PCDH9: variants seen among roughly 807,000 people sequenced by gnomAD.
PCDH9 encodes the protein protocadherin 9.
PCDH9 carries 24 observed loss-of-function variants against 70.6 expected under a neutral mutation model. That is an observed-to-expected ratio of 0.34 (90% CI 0.25 to 0.48). The LOEUF (loss-of-function observed/expected upper bound fraction) is 0.48. PCDH9 is among the 20% of genes least tolerant of loss of function. PCDH9 has a pLI of 0.99. For synonymous variants in PCDH9, 562 were observed against 558.5 expected, an observed-to-expected ratio of 1.01 and a Z score of -0.09; for missense variants, 1,281 against 1,503.6, an observed-to-expected ratio of 0.85 and a Z score of 2.45.
intron 4 of PCDH9, among the ~76,000 whole-genome samples, chr13:66,475,583 T>A (rs1291364005): frequency 2.0e-5 from 3 of 152,080 alleles, no homozygotes; most frequent in African/African-American, 7.2e-5. Flanking sequence ...CTCTTCTCCC[T>A]TTCACAATAT....
intron 2 of PCDH9, among the ~76,000 whole-genome samples, chr13:67,190,712 G>T (rs908626450): frequency 6.6e-6 from 1 of 152,010 alleles, no homozygotes; most frequent in African/African-American, 2.4e-5. Context: ...TCAAAAGTAT[G>T]AATAATTTTA....
intron 4 of PCDH9, among the ~76,000 whole-genome samples, chr13:66,604,784 TA>T (rs147562367): frequency 0.039 from 5,937 of 152,188 alleles, 355 homozygotes; most frequent in African/African-American, 0.13. Flanking sequence ...TCATTAGTGA[TA>T]TTTTTTTTCA....
In PCDH9 at chr13:66,791,315, T is replaced by C. The variant is rs549946299; in HGVS notation, c.3138+112189A>G. Among the ~76,000 whole-genome samples the C allele has an allele frequency of 4.7e-4, 71 of 152,230 alleles. 1 individual carries two copies. In the South Asian group the frequency reaches 0.014, roughly 31 times the overall value. Reference sequence around the variant, plus strand: ...ATGAAATTTTCAATATATTATAACTTGAGCAGTGTTTTTTTCCTCTAAATT... The same window carrying C: ...ATGAAATTTTCAATATATTATAACTCGAGCAGTGTTTTTTTCCTCTAAATT... On this transcript the variant is annotated intron_variant, in intron 3 of 4. Transcript: ENST00000377865.
chr13:66,778,160 T>A (rs908447020), intron 3 of PCDH9, among the ~76,000 whole-genome samples: 2 of 150,942 alleles, frequency 1.3e-5, no homozygotes, highest in Admixed American at 6.6e-5. Context: ...GAGGTATAGC[T>A]TTAGGAGATA....
At chr13:67,026,423 A>G (rs1435550066) in intron 2 of PCDH9, among the ~76,000 whole-genome samples, 1 of 152,162 alleles carries the variant, frequency 6.6e-6, no homozygotes, top group Non-Finnish European at 1.5e-5. Context: ...TCAAAATAAT[A>G]AGAGCTATCT....
intron 2 of PCDH9, among the ~76,000 whole-genome samples, chr13:66,928,906 G>A (rs558407748): frequency 5.3e-5 from 8 of 152,166 alleles, no homozygotes; most frequent in African/African-American, 1.9e-4. Flanking sequence ...TCCATATCAG[G>A]GTGAAGTAGG....
chr13:67,145,871 G>A (rs1425650003), intron 2 of PCDH9, among the ~76,000 whole-genome samples: 3 of 151,966 alleles, frequency 2.0e-5, no homozygotes, highest in Non-Finnish European at 4.4e-5. Context: ...TGATATATCT[G>A]TCAATAAAAT....
intron 4 of PCDH9, among the ~76,000 whole-genome samples, chr13:66,490,187 G>A (rs1959010642): frequency 6.6e-6 from 1 of 152,164 alleles, no homozygotes; most frequent in Non-Finnish European, 1.5e-5. Context: ...CTGTATAAAA[G>A]GGATGATCTA....
intron 2 of PCDH9, among the ~76,000 whole-genome samples, chr13:66,968,996 C>A (rs2083474091): frequency 1.3e-5 from 2 of 152,002 alleles, no homozygotes; most frequent in Admixed American, 6.6e-5. Context: ...TCACTGGAAC[C>A]CTTTAGCTGT....
chr13:66,690,006 G>A (rs766207732), intron 3 of PCDH9, among the ~76,000 whole-genome samples: 11 of 152,164 alleles, frequency 7.2e-5, no homozygotes, highest in South Asian at 2.1e-4. Flanking sequence ...AATTTGATGA[G>A]CATTATCTTA....
intron 4 of PCDH9, among the ~76,000 whole-genome samples, chr13:66,529,566 G>A (rs1012047003): frequency 6.6e-6 from 1 of 151,992 alleles, no homozygotes; most frequent in African/African-American, 2.4e-5. Flanking sequence ...AAATCTGATT[G>A]CCTCTAGAAT....
intron 3 of PCDH9, among the ~76,000 whole-genome samples, chr13:66,831,333 T>C (rs2165600): frequency 0.35 from 53,906 of 152,050 alleles, 10,218 homozygotes; most frequent in Non-Finnish European, 0.43. Flanking sequence ...CTGCCTGAGA[T>C]GTGGCTTCTG....
intron 4 of PCDH9, among the ~76,000 whole-genome samples, chr13:66,524,359 T>C (rs1446286856): frequency 6.6e-6 from 1 of 152,022 alleles, no homozygotes; most frequent in African/African-American, 2.4e-5. Flanking sequence ...CTCTTTTGTA[T>C]AAAGATATAA....
chr13:66,828,975 A>G (rs1034580835), intron 3 of PCDH9, among the ~76,000 whole-genome samples: 9 of 151,950 alleles, frequency 5.9e-5, no homozygotes, highest in Non-Finnish European at 1.3e-4. Flanking sequence ...GGAATTGATA[A>G]TGGCATTATT....
chr13:66,466,019 T>A (rs183144925), intron 4 of PCDH9, among the ~76,000 whole-genome samples: 1 of 152,070 alleles, frequency 6.6e-6, no homozygotes, highest in East Asian at 1.9e-4. Flanking sequence ...CTAAACATTC[T>A]CACAATAAAA....
At chr13:66,539,343 G>T (rs1386331494) in intron 4 of PCDH9, among the ~76,000 whole-genome samples, 1 of 152,028 alleles carries the variant, frequency 6.6e-6, no homozygotes, top group Non-Finnish European at 1.5e-5. Context: ...TAATCCTTAT[G>T]TGTCATGGGA....
intron 2 of PCDH9, among the ~76,000 whole-genome samples, chr13:66,977,025 G>T (rs570229894): frequency 6.6e-6 from 1 of 152,190 alleles, no homozygotes; most frequent in African/African-American, 2.4e-5. Context: ...CAAAGACTTA[G>T]TCTGTCATCT....
chr13:66,928,507 G>A (rs71446828), intron 2 of PCDH9, among the ~76,000 whole-genome samples: 1,879 of 152,202 alleles, frequency 0.012, 18 homozygotes, highest in Non-Finnish European at 0.021. Context: ...GAAGGTTTGT[G>A]TTCCCCCAAA....
Position 66,348,501 on chromosome 13 carries a change from G to A in PCDH9, c.3341-43473C>T, listed in dbSNP as rs1442691420. ...CAACTTCCACTTCCGGGATTCAAGC[G>A]ATTCTCCTGCCTCAGCCTCCTGAGT... On this transcript the variant is annotated intron_variant, in intron 4 of 4. Transcript: ENST00000377865. Among the ~76,000 whole-genome samples the A allele has an allele frequency of 7.2e-5, 11 of 151,842 alleles. No individual in the cohort carries two copies. In the South Asian group the frequency reaches 1.9e-3, roughly 26 times the overall value.
Sources: allele counts gnomAD v4.1 joint callset (sites outside exome capture counted in the v4.1 genomes callset), GRCh38; gene constraint gnomAD v4.1.1; transcripts MANE v1.5; gene names NCBI Gene and HGNC (gene_info 2026-07-23, HGNC 2026-07-21).